B4GALT1: variants seen among roughly 807,000 people sequenced by gnomAD.
B4GALT1 encodes beta-1,4-galactosyltransferase 1, also known as N-acetyllactosamine synthase.
B4GALT1 carries 16 observed loss-of-function variants against 34.9 expected under a neutral mutation model. The ratio of observed to expected loss-of-function variants is 0.46; its 90% CI spans 0.31 to 0.70. The LOEUF (loss-of-function observed/expected upper bound fraction) is 0.70, where lower values mean the gene tolerates loss of function less well. Ranked by LOEUF, B4GALT1 falls within the 30% of genes least tolerant of loss-of-function variation. The pLI is 0.05. For synonymous variants in B4GALT1, 221 were observed against 218.1 expected, an observed-to-expected ratio of 1.01 and a Z score of -0.12; for missense variants, 445 against 530.5, an observed-to-expected ratio of 0.84 and a Z score of 1.58.
At chr9:33,109,487 T>G (rs1374180932), downstream of B4GALT1, among the ~76,000 whole-genome samples, 2 of 152,210 alleles carry the variant, frequency 1.3e-5, no homozygotes, top group African/African-American at 4.8e-5. Flanking sequence ...AAACCCCAAT[T>G]TATAGCTGGT....
chr9:33,160,346 C>T (rs1307682975), intron 1 of B4GALT1, among the ~76,000 whole-genome samples: 2 of 152,182 alleles, frequency 1.3e-5, no homozygotes, highest in African/African-American at 2.4e-5. Flanking sequence ...AGCTGACAGA[C>T]TATGATACTG....
In B4GALT1 at chr9:33,167,273, C is replaced by T. The variant is rs1261507085; in HGVS notation, c.-104G>A. ...CCCCACAGCGGCGACTAGGGGAGGG[C>T]CCGGAGCGGGGGCGGGCGAGCGGCT... On this transcript the variant is annotated 5_prime_UTR_variant, in exon 1 of 6. Coordinates refer to ENST00000379731, the MANE Select transcript of B4GALT1 (RefSeq NM_001497.4). 2.9e-6 allele frequency: 4 copies of T among 1,369,524 alleles called. No individual in the cohort carries two copies. The highest frequency in any genetic ancestry group is 1.5e-5 in the African/African-American group (1 of 64,738). 84.8% of individuals were successfully genotyped at this position (1,369,524 alleles called of 1,614,324 possible).
rs760321607 is a variant in B4GALT1 at position 33,112,401 on chromosome 9, C to T, written c.*1053G>A. Reference sequence around the variant, plus strand: ...GCTTCTGTCTCCCAGGTATCCTCCCCGAGGTCTGGCAGGATAATGCTGACC... The same window carrying T: ...GCTTCTGTCTCCCAGGTATCCTCCCTGAGGTCTGGCAGGATAATGCTGACC... On this transcript the variant is annotated 3_prime_UTR_variant, in exon 6 of 6. Coordinates refer to ENST00000379731, the MANE Select transcript of B4GALT1 (RefSeq NM_001497.4). The T allele has an allele frequency of 6.6e-6, 1 of 152,448 alleles. No homozygotes were observed. The highest frequency in any genetic ancestry group is 1.5e-5 in the Non-Finnish European group (1 of 68,034). 9.4% of individuals were successfully genotyped at this position (152,448 alleles called of 1,614,324 possible).
At chr9:33,140,574 G>C (rs1840334152) in intron 1 of B4GALT1, among the ~76,000 whole-genome samples, 1 of 152,204 alleles carries the variant, frequency 6.6e-6, no homozygotes, top group African/African-American at 2.4e-5. Flanking sequence ...GGAAATCCAA[G>C]TATTCAGGAA....
chr9:33,172,502 C>A, the B4GALT1 span, among the ~76,000 whole-genome samples: 2 of 152,144 alleles, frequency 1.3e-5, no homozygotes, highest in Non-Finnish European at 2.9e-5. Context: ...TTATCTCAAG[C>A]AGAGGGAGTT....
At chr9:33,154,413 T>G (rs1363724297) in intron 1 of B4GALT1, among the ~76,000 whole-genome samples, 1 of 152,220 alleles carries the variant, frequency 6.6e-6, no homozygotes, top group African/African-American at 2.4e-5. Context: ...GACTGGATAT[T>G]TTCCCCCTAA....
chr9:33,165,684 T>A (rs1274634485), intron 1 of B4GALT1, among the ~76,000 whole-genome samples: 1 of 152,142 alleles, frequency 6.6e-6, no homozygotes, highest in East Asian at 1.9e-4. Context: ...GCCCCTCACT[T>A]ACAACAATTA....
chr9:33,137,450 G>T (rs925293529), intron 1 of B4GALT1, among the ~76,000 whole-genome samples: 2 of 152,138 alleles, frequency 1.3e-5, no homozygotes, highest in African/African-American at 2.4e-5. Flanking sequence ...AGGGACAGAG[G>T]CCTTGAAGCT....
chr9:33,117,765 A>G (rs1363470237), intron 3 of B4GALT1, among the ~76,000 whole-genome samples: 1 of 152,234 alleles, frequency 6.6e-6, no homozygotes, highest in African/African-American at 2.4e-5. Context: ...AGGTGTCATC[A>G]CTTAGGTGCT....
chr9:33,105,213 C>T (rs373799288), intron 2 of B4GALT1, among the ~76,000 whole-genome samples: 1 of 151,870 alleles, frequency 6.6e-6, no homozygotes, highest in Non-Finnish European at 1.5e-5. Flanking sequence ...AATCTCGGCT[C>T]ACCACAACCT....
At chr9:33,107,586 G>A (rs919862264), downstream of B4GALT1, among the ~76,000 whole-genome samples, 6 of 152,336 alleles carry the variant, frequency 3.9e-5, no homozygotes, top group Middle Eastern at 3.4e-3. Context: ...CCTGGGCCAC[G>A]TTCTCCCATG....
chr9:33,129,281 G>A (rs1035118803), intron 2 of B4GALT1, among the ~76,000 whole-genome samples: 1 of 152,326 alleles, frequency 6.6e-6, no homozygotes, highest in African/African-American at 2.4e-5. Flanking sequence ...ACAATCACAA[G>A]GCTAAGGTAT....
intron 4 of B4GALT1, among the ~76,000 whole-genome samples, chr9:33,114,779 T>G (rs1324963050): frequency 6.6e-6 from 1 of 152,230 alleles, no homozygotes; most frequent in Non-Finnish European, 1.5e-5. Flanking sequence ...TTCCTGGCCT[T>G]GCCTGGCACA....
chr9:33,181,056 T>TA, the B4GALT1 span, among the ~76,000 whole-genome samples: 1 of 152,046 alleles, frequency 6.6e-6, no homozygotes, highest in East Asian at 1.9e-4. Context: ...AGGGACCTGT[T>TA]AAAAAAAGAA....
At chr9:33,161,483 C>G (rs1840674900) in intron 1 of B4GALT1, among the ~76,000 whole-genome samples, 2 of 152,188 alleles carry the variant, frequency 1.3e-5, no homozygotes, top group Non-Finnish European at 2.9e-5. Context: ...CAGGTCTCTA[C>G]AATCTTAATC....
chr9:33,109,410 A>T (rs1371564910), downstream of B4GALT1, among the ~76,000 whole-genome samples: 1 of 152,200 alleles, frequency 6.6e-6, no homozygotes, highest in Non-Finnish European at 1.5e-5. Context: ...AAGACCAGTA[A>T]ATGTTAAGTG....
chr9:33,108,000 C>T, downstream of B4GALT1, among the ~76,000 whole-genome samples: 1 of 152,162 alleles, frequency 6.6e-6, no homozygotes, highest in East Asian at 1.9e-4. Context: ...AGATCCCCAG[C>T]ACCTGAGTGT....
At chr9:33,175,472 A>T in the B4GALT1 span, among the ~76,000 whole-genome samples, 1 of 152,182 alleles carries the variant, frequency 6.6e-6, no homozygotes, top group African/African-American at 2.4e-5. Flanking sequence ...TTTTGGAGTA[A>T]TAGGGCATCA....
intron 4 of B4GALT1, among the ~76,000 whole-genome samples, chr9:33,115,512 G>T (rs74670969): frequency 6.6e-6 from 1 of 152,212 alleles, no homozygotes. Context: ...AGGCCATAAT[G>T]GTTGCTGGGG....
Sources: allele counts gnomAD v4.1 joint callset (sites outside exome capture counted in the v4.1 genomes callset), GRCh38; gene constraint gnomAD v4.1.1; transcripts MANE v1.5; gene names NCBI Gene and HGNC (gene_info 2026-07-23, HGNC 2026-07-21).